Variants in TENT5D observed in about 807,000 individuals in gnomAD.
TENT5D encodes the protein cancer/testis antigen 112.
For missense variants in TENT5D, 191 were observed against 287.0 expected (o/e 0.67, Z 2.42); for synonymous variants, 103 against 100.6 (o/e 1.02, Z -0.15).
At chrX:80,411,464 A>G (rs1931664536) in intron 3 of TENT5D, among the ~76,000 whole-genome samples, 1 of 111,423 alleles carries the variant, frequency 9.0e-6, no homozygotes, top group East Asian at 2.8e-4. Context: ...TAGGACAAAA[A>G]TTTACCGTAC....
intron 3 of TENT5D, among the ~76,000 whole-genome samples, chrX:80,412,944 A>ATT (rs57462754): frequency 2.8e-5 from 3 of 107,114 alleles, no homozygotes; most frequent in African/African-American, 1.0e-4. Flanking sequence ...GTGTTACTAT[A>ATT]TTTTTTTTTT....
At chrX:80,383,140 A>T (rs1930910892) in intron 3 of TENT5D, among the ~76,000 whole-genome samples, 1 of 112,636 alleles carries the variant, frequency 8.9e-6, no homozygotes, top group Non-Finnish European at 1.9e-5. Flanking sequence ...GATCCAAGGT[A>T]GTACTTTTAA....
intron 3 of TENT5D, among the ~76,000 whole-genome samples, chrX:80,374,918 C>T (rs1284163699): frequency 9.0e-6 from 1 of 111,303 alleles, no homozygotes; most frequent in Non-Finnish European, 1.9e-5. Context: ...CATGTCAGCT[C>T]TCAGAACGTT....
exon 3 of TENT5D, chrX:80,443,690 G>A (rs1163273853): frequency 8.5e-7 from 1 of 1,182,265 alleles, no homozygotes; most frequent in East Asian, 3.0e-5. Context: ...CACTTTCGTG[G>A]ATCAAATGGT....
At chrX:80,348,944 T>A (rs1930120295) in intron 3 of TENT5D, among the ~76,000 whole-genome samples, 1 of 112,215 alleles carries the variant, frequency 8.9e-6, no homozygotes, top group South Asian at 3.7e-4. Context: ...TTGGTTCTGT[T>A]TATGTGTTAG....
upstream of TENT5D, among the ~76,000 whole-genome samples, chrX:80,418,920 C>T (rs1159985336): frequency 5.4e-5 from 6 of 111,535 alleles, no homozygotes; most frequent in Non-Finnish European, 1.1e-4. Flanking sequence ...TCTTATTCTA[C>T]TTAAAACCCC....
intron 3 of TENT5D, among the ~76,000 whole-genome samples, chrX:80,396,872 TC>T: frequency 1.1e-5 from 1 of 93,327 alleles, no homozygotes; most frequent in Non-Finnish European, 2.2e-5. Context: ...GCCCCTCACC[TC>T]CCAGACGGGG....
upstream of TENT5D, among the ~76,000 whole-genome samples, chrX:80,418,994 T>G (rs747765287): frequency 4.5e-5 from 5 of 111,723 alleles, no homozygotes; most frequent in Non-Finnish European, 9.4e-5. Context: ...CTGTTACTCT[T>G]TTCATGAATT....
intron 2 of TENT5D, among the ~76,000 whole-genome samples, chrX:80,439,693 T>C (rs1034771101): frequency 1.8e-5 from 2 of 110,939 alleles, no homozygotes; most frequent in African/African-American, 6.5e-5. Context: ...GAGGCATGTA[T>C]AGATTCCAGA....
chrX:80,340,153 G>A (rs1929931579), intron 2 of TENT5D, among the ~76,000 whole-genome samples: 1 of 110,561 alleles, frequency 9.0e-6, no homozygotes, highest in Admixed American at 9.7e-5. Flanking sequence ...TGTAAGCATA[G>A]TGCTCAGAAA....
At chrX:80,409,375 T>G (rs901577280) in intron 3 of TENT5D, among the ~76,000 whole-genome samples, 4 of 111,081 alleles carry the variant, frequency 3.6e-5, no homozygotes, top group East Asian at 2.8e-4. Context: ...AAAATCTCCT[T>G]CAGCTGATAA....
At chrX:80,357,411 T>G (rs1040842288) in intron 3 of TENT5D, among the ~76,000 whole-genome samples, 2 of 108,405 alleles carry the variant, frequency 1.8e-5, no homozygotes, top group Non-Finnish European at 3.8e-5. Flanking sequence ...CTCCACATCC[T>G]CTCCAGCACC....
chrX:80,340,990 C>T (rs1051400261), intron 2 of TENT5D, among the ~76,000 whole-genome samples: 1 of 112,055 alleles, frequency 8.9e-6, no homozygotes, highest in Non-Finnish European at 1.9e-5. Flanking sequence ...CAGGATTAGC[C>T]ACAGCAAGAG....
intron 2 of TENT5D, among the ~76,000 whole-genome samples, chrX:80,340,294 A>G (rs942290027): frequency 1.8e-5 from 2 of 111,318 alleles, no homozygotes; most frequent in African/African-American, 6.5e-5. Flanking sequence ...GGCAAGGTTA[A>G]AAACAAAGCA....
chrX:80,408,606 A>G (rs1931560309), intron 3 of TENT5D, among the ~76,000 whole-genome samples: 1 of 110,904 alleles, frequency 9.0e-6, no homozygotes, highest in South Asian at 3.9e-4. Context: ...GCAATAATCA[A>G]TAGTTTACCA....
intron 3 of TENT5D, among the ~76,000 whole-genome samples, chrX:80,389,520 A>AC (rs1215736858): frequency 8.9e-6 from 1 of 112,554 alleles, no homozygotes; most frequent in Non-Finnish European, 1.9e-5. Context: ...ATAACATAAA[A>AC]TAAAAATCTT....
At chrX:80,357,338 C>T (rs1275048355) in intron 3 of TENT5D, among the ~76,000 whole-genome samples, 2 of 109,145 alleles carry the variant, frequency 1.8e-5, no homozygotes, top group African/African-American at 6.7e-5. Context: ...AATCGCCACA[C>T]TGACTTCCAC....
chrX:80,381,979 T>C (rs1930876335), intron 3 of TENT5D, among the ~76,000 whole-genome samples: 2 of 112,498 alleles, frequency 1.8e-5, no homozygotes, highest in Admixed American at 1.9e-4. Context: ...AAAGTCATTC[T>C]CTGTCCAGCT....
intron 3 of TENT5D, among the ~76,000 whole-genome samples, chrX:80,392,814 C>G (rs1216977352): frequency 6.3e-5 from 7 of 110,752 alleles, no homozygotes; most frequent in Non-Finnish European, 1.3e-4. Context: ...CCGCGCCCGG[C>G]CATTCTCATT....
Sources: allele counts gnomAD v4.1 joint callset (sites outside exome capture counted in the v4.1 genomes callset), GRCh38; gene constraint gnomAD v4.1.1; transcripts MANE v1.5; gene names NCBI Gene and HGNC (gene_info 2026-07-23, HGNC 2026-07-21).